MTAP: variants seen among roughly 807,000 people sequenced by gnomAD.
MTAP encodes the protein methylthioadenosine phosphorylase.
MTAP carries 33 observed loss-of-function variants against 33.6 expected under a neutral mutation model. That is an observed-to-expected ratio of 0.98 (90% CI 0.74 to 1.31). The LOEUF is 1.31. Among genes scored for constraint, MTAP ranks in the 40% most tolerant of loss-of-function variants. The pLI is 0.00. For missense variants in MTAP, 367 were observed against 360.0 expected (o/e 1.02, Z -0.16); for synonymous variants, 148 against 125.7 (o/e 1.18, Z -1.19).
intron 1 of MTAP, chr9:21,892,294 G>T (rs953943132): frequency 2.0e-5 from 3 of 152,062 alleles, no homozygotes; most frequent in African/African-American, 7.2e-5. Context: ...GTATAAATGG[G>T]TTAAATGCCC....
chr9:21,911,011 A>C (rs912790579), intron 1 of MTAP, among the ~76,000 whole-genome samples: 4 of 152,338 alleles, frequency 2.6e-5, no homozygotes, highest in African/African-American at 9.6e-5. Context: ...CTTTAAACCA[A>C]CAAAGATCAA....
At chr9:21,929,936 T>C (rs2131046314) in intron 1 of MTAP, 2 of 425,450 alleles carry the variant, frequency 4.7e-6, no homozygotes, top group East Asian at 1.1e-4. Context: ...TGATGGAACA[T>C]ACACCGAAAA....
chr9:21,879,860 C>T (rs981965537), intron 1 of MTAP, among the ~76,000 whole-genome samples: 13 of 151,978 alleles, frequency 8.6e-5, no homozygotes, highest in Non-Finnish European at 1.9e-4. Flanking sequence ...GAATATAGGC[C>T]CCCAATCCCT....
chr9:21,816,858 C>T, intron 3 of MTAP, 86 bp downstream of exon 3: 2 of 1,136,318 alleles, frequency 1.8e-6, no homozygotes, highest in Non-Finnish European at 2.5e-6. Context: ...AGATACAGGT[C>T]TGAGCTTTTA....
At chr9:21,822,522 C>G (rs1824670557) in intron 4 of MTAP, among the ~76,000 whole-genome samples, 2 of 152,236 alleles carry the variant, frequency 1.3e-5, no homozygotes, top group South Asian at 4.1e-4. Context: ...TGTTCTTTTA[C>G]ATTTGCTGAG....
chr9:21,912,536 T>C (rs931299769), intron 1 of MTAP, among the ~76,000 whole-genome samples: 3 of 152,090 alleles, frequency 2.0e-5, no homozygotes, highest in Non-Finnish European at 2.9e-5. Context: ...AAAAACCACA[T>C]GATTATCTCA....
intron 4 of MTAP, among the ~76,000 whole-genome samples, chr9:21,831,707 T>C (rs1212266919): frequency 1.3e-5 from 2 of 152,206 alleles, no homozygotes; most frequent in African/African-American, 4.8e-5. Flanking sequence ...AGGTGAAACT[T>C]GCAAACATAT....
chr9:21,922,996 T>C lies in MTAP; in HGVS notation c.148-8012T>C, dbSNP rs1386551403. Among the ~76,000 whole-genome samples the C allele has an allele frequency of 6.6e-6, 1 of 152,218 alleles. No homozygotes were observed. Among genetic ancestry groups the C allele is most frequent in the Non-Finnish European group, 1.5e-5 (1 of 68,036 alleles). ...ACCACCTATTCTCCTGTTTTCTCTGTGTGTGTTCTGAAACGGCCTTGTGTG... is the reference window on the plus strand; with the variant it reads ...ACCACCTATTCTCCTGTTTTCTCTGCGTGTGTTCTGAAACGGCCTTGTGTG... On this transcript the variant is annotated intron_variant, in intron 1 of 1. Coordinates refer to the MTAP transcript ENST00000577563. This position sits in a 1 kb window ranked among gnomAD's most constrained non-coding sequence, Gnocchi z 4.8.
chr9:21,827,925 T>C (rs986810377), intron 4 of MTAP, among the ~76,000 whole-genome samples: 2 of 152,238 alleles, frequency 1.3e-5, no homozygotes, highest in African/African-American at 4.8e-5. Context: ...GTATAAAGTA[T>C]TACAGATGAT....
At chr9:21,857,157 A>T (rs1312597274) in intron 6 of MTAP, among the ~76,000 whole-genome samples, 1 of 152,204 alleles carries the variant, frequency 6.6e-6, no homozygotes, top group Non-Finnish European at 1.5e-5. Flanking sequence ...TAGGAAGGAC[A>T]TTTTGGGTGA....
At chr9:21,818,747 TA>T (rs367771854) in intron 4 of MTAP, among the ~76,000 whole-genome samples, 7 of 152,380 alleles carry the variant, frequency 4.6e-5, no homozygotes, top group African/African-American at 1.4e-4. Flanking sequence ...TTAGCAAAGC[TA>T]ATTAACATAT....
At chr9:21,892,269 T>C (rs1031692549) in intron 1 of MTAP, 16 of 152,108 alleles carry the variant, frequency 1.1e-4, no homozygotes, top group African/African-American at 2.4e-4. Context: ...CTGCACATAG[T>C]AATATTAACC....
chr9:21,826,511 G>C (rs985614888), intron 4 of MTAP, among the ~76,000 whole-genome samples: 2 of 151,710 alleles, frequency 1.3e-5, no homozygotes, highest in Non-Finnish European at 2.9e-5. Context: ...TGAATTCTTG[G>C]CAAGGATCCT....
At chr9:21,909,494 A>G (rs1818533239) in intron 1 of MTAP, among the ~76,000 whole-genome samples, 2 of 152,152 alleles carry the variant, frequency 1.3e-5, no homozygotes, top group Non-Finnish European at 1.5e-5. Context: ...ATCTTCATGC[A>G]TTAAGCTATT....
intron 1 of MTAP, among the ~76,000 whole-genome samples, chr9:21,915,124 C>A (rs1224960271): frequency 6.7e-6 from 1 of 148,566 alleles, no homozygotes; most frequent in Non-Finnish European, 1.5e-5. Context: ...GCCCTCTCAC[C>A]CAGCCTGGAG....
intron 1 of MTAP, among the ~76,000 whole-genome samples, chr9:21,923,978 A>G (rs562844178): frequency 2.6e-5 from 4 of 152,330 alleles, no homozygotes; most frequent in African/African-American, 9.6e-5. Flanking sequence ...CACAGAACAG[A>G]TTACCATTAG....
In MTAP at chr9:21,823,072, C is replaced by A. The variant is rs548566944; in HGVS notation, c.347+4870C>A. ...AATACAGCACACTGATGGGTCTTGA[C>A]TCTTTATCCAATTTGCCAGTCTGTG... On this transcript the variant is annotated intron_variant, in intron 4 of 7. Transcript: ENST00000644715. Among the ~76,000 whole-genome samples the A allele has an allele frequency of 4.6e-5, 7 of 152,276 alleles. No homozygotes were observed. In the East Asian group the frequency reaches 1.4e-3, roughly 29 times the overall value.
intron 1 of MTAP, among the ~76,000 whole-genome samples, chr9:21,924,133 T>C (rs1002127542): frequency 1.3e-5 from 2 of 152,178 alleles, no homozygotes; most frequent in African/African-American, 4.8e-5. Context: ...CAGGTTTGGG[T>C]ACCCAGTAAG....
intron 4 of MTAP, among the ~76,000 whole-genome samples, chr9:21,823,335 T>A (rs1824697237): frequency 2.6e-5 from 4 of 152,228 alleles, no homozygotes; most frequent in African/African-American, 9.6e-5. Context: ...CAGCATTTGC[T>A]TGTCTGTAAA....
Sources: allele counts gnomAD v4.1 joint callset (sites outside exome capture counted in the v4.1 genomes callset), GRCh38; gene constraint gnomAD v4.1.1; non-coding constraint Gnocchi (gnomAD v3.1); transcripts MANE v1.5; gene names NCBI Gene and HGNC (gene_info 2026-07-23, HGNC 2026-07-21).